ARMH4: variants seen among roughly 807,000 people sequenced by gnomAD.
The protein encoded by ARMH4 is armadillo-like helical domain-containing protein 4.
Under a neutral mutation model 61.9 loss-of-function variants are expected in ARMH4, and 49 were observed. The observed-to-expected ratio is 0.79, with a 90% confidence interval of 0.63 to 1.00. The LOEUF is 1.00. Ranked by LOEUF, ARMH4 falls within the 50% of genes least tolerant of loss-of-function variation. The pLI is 0.00. For missense variants in ARMH4, 934 were observed against 930.0 expected (o/e 1.00, Z -0.06); for synonymous variants, 368 against 341.5 (o/e 1.08, Z -0.85).
chr14:58,075,581 C>T (rs1349415493), intron 5 of ARMH4, among the ~76,000 whole-genome samples: 8 of 116,976 alleles, frequency 6.8e-5, no homozygotes, highest in African/African-American at 1.8e-4. Context: ...GGGAGGAGAA[C>T]ATCACACACC....
At chr14:58,099,540 G>T (rs1885884390) in intron 4 of ARMH4, among the ~76,000 whole-genome samples, 1 of 152,156 alleles carries the variant, frequency 6.6e-6, no homozygotes. Flanking sequence ...ATAGACAAAG[G>T]CCAGGTTGGA....
chr14:58,027,801 T>C (rs922889680), intron 5 of ARMH4, among the ~76,000 whole-genome samples: 5 of 152,178 alleles, frequency 3.3e-5, no homozygotes, highest in African/African-American at 4.8e-5. Context: ...CAGGGGTGTA[T>C]ACTTGTCCCC....
intron 4 of ARMH4, among the ~76,000 whole-genome samples, chr14:58,113,232 T>C (rs1886412265): frequency 6.6e-6 from 1 of 152,192 alleles, no homozygotes; most frequent in Non-Finnish European, 1.5e-5. Context: ...ATTGTGTGCA[T>C]TTCTTAGTGT....
chr14:58,017,485 C>G (rs2141141425), intron 5 of ARMH4, among the ~76,000 whole-genome samples: 1 of 152,154 alleles, frequency 6.6e-6, no homozygotes, highest in East Asian at 1.9e-4. Context: ...ATTTCTATAT[C>G]CTACCAACAA....
intron 4 of ARMH4, among the ~76,000 whole-genome samples, chr14:58,107,114 C>T (rs776069125): frequency 3.9e-5 from 6 of 152,216 alleles, no homozygotes; most frequent in Non-Finnish European, 7.3e-5. Flanking sequence ...CTCAGTTTCT[C>T]TAACTGCATT....
chr14:58,139,450 A>C, intron 1 of ARMH4, 36 bp from the exon 2 acceptor site: 1 of 1,167,470 alleles, frequency 8.6e-7, no homozygotes, highest in Non-Finnish European at 1.2e-6. Context: ...CTGTCATATA[A>C]ATACATGTTG....
chr14:58,072,704 AGAGT>A (rs1355488979), intron 5 of ARMH4, among the ~76,000 whole-genome samples: 4 of 152,010 alleles, frequency 2.6e-5, no homozygotes, highest in African/African-American at 7.2e-5. Context: ...CCTGCGCAAC[AGAGT>A]GAGACTCCAT....
chr14:58,098,575 C>T (rs1450029335), intron 4 of ARMH4, among the ~76,000 whole-genome samples: 1 of 152,162 alleles, frequency 6.6e-6, no homozygotes, highest in Admixed American at 6.5e-5. Flanking sequence ...AGAGGCCACA[C>T]CAAAATAATG....
At chr14:58,030,908 C>G (rs533972824) in intron 5 of ARMH4, among the ~76,000 whole-genome samples, 1 of 152,312 alleles carries the variant, frequency 6.6e-6, no homozygotes, top group South Asian at 2.1e-4. Flanking sequence ...CACATTGCAG[C>G]TACCATAAAT....
At chr14:58,010,501 T>C (rs8017546) in intron 6 of ARMH4, among the ~76,000 whole-genome samples, 36,642 of 151,924 alleles carry the variant, frequency 0.24, 4,851 homozygotes, top group East Asian at 0.56. Context: ...CTATTGGAAT[T>C]CAAAATTTTC....
intron 5 of ARMH4, among the ~76,000 whole-genome samples, chr14:58,021,278 T>TG (rs1204577182): frequency 2.0e-5 from 3 of 152,130 alleles, no homozygotes; most frequent in Non-Finnish European, 4.4e-5. Flanking sequence ...AATTAAATCA[T>TG]GGGGGTGGGT....
chr14:58,070,402 G>C (rs1056901377), intron 5 of ARMH4, among the ~76,000 whole-genome samples: 2 of 152,134 alleles, frequency 1.3e-5, no homozygotes, highest in African/African-American at 2.4e-5. Flanking sequence ...GATGAAAACA[G>C]TAAAGGCTCA....
At chr14:58,130,542 T>C (rs1009882539) in intron 4 of ARMH4, among the ~76,000 whole-genome samples, 3 of 152,334 alleles carry the variant, frequency 2.0e-5, no homozygotes, top group Non-Finnish European at 4.4e-5. Context: ...ACATTTTGTA[T>C]CTCCAGCCAG....
At chr14:58,050,588 T>C (rs72714786) in intron 5 of ARMH4, among the ~76,000 whole-genome samples, 7,366 of 152,186 alleles carry the variant, frequency 0.048, 194 homozygotes, top group African/African-American at 0.063. Context: ...AGCTGAGCTG[T>C]TGACTCAGTC....
chr14:58,011,080 C>T (rs1050702453), intron 6 of ARMH4, among the ~76,000 whole-genome samples: 24 of 152,022 alleles, frequency 1.6e-4, no homozygotes, highest in African/African-American at 5.8e-4. Context: ...ACAATTGGAC[C>T]CATTACAAAT....
chr14:58,096,925 C>A lies in ARMH4; in HGVS notation c.1888G>T (p.Asp630Tyr). ...TTATCTTCCTCATCTTCTTCCTCAT[C>A]TTCCTCTTCTTCATCTTCATCTTCT... is the stretch of plus-strand genomic sequence containing the variant. ...DEEDEDEEEE[D>Y]EEEDEEDKDA... Residue 630 changes from aspartate to tyrosine, a missense_variant, in exon 5 of 8, where the codon GAT becomes TAT. Transcript: ENST00000267485. 1.9e-6 allele frequency: 3 copies of A among 1,614,026 alleles called. No homozygotes were observed. Among genetic ancestry groups the A allele is most frequent in the Non-Finnish European group, 2.5e-6 (3 of 1,179,968 alleles).
chr14:58,139,283 G>A lies in ARMH4; in HGVS notation c.76C>T (p.Leu26=). The A allele has an allele frequency of 3.7e-6, 6 of 1,614,162 alleles. No individual in the cohort carries two copies. Among genetic ancestry groups the A allele is most frequent in the Non-Finnish European group, 5.1e-6 (6 of 1,180,016 alleles). Residue 26 remains leucine, a synonymous_variant, in exon 2 of 8, where the codon CTG becomes TTG. Transcript: ENST00000267485. ...LLLFSVATQC[L]AFPKIERRRE... ...CTCCTTTCTATTTTGGGGAAGGCCA[G>A]ACATTGTGTGGCAACGCTGAAAAGC...
Position 58,141,253 on chromosome 14 carries a change from C to T in ARMH4, c.-56-1839G>A, listed in dbSNP as rs577544915. The T allele has an allele frequency of 1.4e-5, 4 of 290,714 alleles. 1 individual carries two copies. The South Asian group carries it at 1.6e-4, about 12-fold the overall frequency. 18.0% of individuals were successfully genotyped at this position (290,714 alleles called of 1,614,324 possible). On this transcript the variant is annotated intron_variant, in intron 1 of 7. Transcript: ENST00000267485. ...ATGTCTTTTAGCTCTTTTTCTTCAG[C>T]GAGGCGGCCGGGCTGCAGACGCAGA...
At chr14:58,143,435 C>T (rs533156651) in intron 1 of ARMH4, among the ~76,000 whole-genome samples, 3 of 152,260 alleles carry the variant, frequency 2.0e-5, no homozygotes, top group African/African-American at 7.2e-5. Flanking sequence ...TATTAAATTA[C>T]ATGCTGGTAG....
Sources: allele counts gnomAD v4.1 joint callset (sites outside exome capture counted in the v4.1 genomes callset), GRCh38; gene constraint gnomAD v4.1.1; transcripts MANE v1.5; gene names NCBI Gene and HGNC (gene_info 2026-07-23, HGNC 2026-07-21).